Variants in NPHP4 observed in about 807,000 individuals in gnomAD.
NPHP4 encodes the protein nephrocystin-4.
NPHP4 carries 151 observed loss-of-function variants against 155.8 expected under a neutral mutation model. The ratio of observed to expected loss-of-function variants is 0.97; its 90% confidence interval spans 0.85 to 1.11. The LOEUF is 1.11. Among genes scored for constraint, NPHP4 ranks in the 50% least tolerant of loss-of-function variants. The probability of loss-of-function intolerance (pLI) is 0.00; values close to 1 mark genes in which losing one functional copy is unlikely to be tolerated. For missense variants in NPHP4, 1,956 were observed against 1,925.7 expected (o/e 1.02, Z -0.29); for synonymous variants, 845 against 816.8 (o/e 1.03, Z -0.59).
chr1:5,963,779 C>A (rs1650826567), intron 5 of NPHP4, among the ~76,000 whole-genome samples: 1 of 151,366 alleles, frequency 6.6e-6, no homozygotes, highest in South Asian at 2.1e-4. Flanking sequence ...CCTCCGCCTC[C>A]CGAGTTCAAG....
rs767096339 is a variant in NPHP4 at position 5,879,658 on chromosome 1, T to A, written c.2611+456A>T. ...CTAGAGCACCAGGGTGTGATCAATGTGGTGGCTCGGTGGGGCCTGTGGGTC... is the reference window on the plus strand; with the variant it reads ...CTAGAGCACCAGGGTGTGATCAATGAGGTGGCTCGGTGGGGCCTGTGGGTC... On this transcript the variant is annotated intron_variant, in intron 19 of 29. Coordinates refer to ENST00000378156, the MANE Select transcript of NPHP4 (RefSeq NM_015102.5). The A allele has an allele frequency of 5.8e-6, 3 of 514,870 alleles. No homozygotes were observed. The East Asian group carries it at 1.6e-4, about 28-fold the overall frequency. The allele number at this position is 514,870 out of a possible 1,614,324, so 31.9% of individuals were successfully genotyped here.
In NPHP4 at chr1:5,875,111, G is replaced by A; in HGVS notation, c.2818-11C>T. The A allele has an allele frequency of 6.3e-7, 1 of 1,584,230 alleles. No individual in the cohort carries two copies. The highest frequency in any genetic ancestry group is 8.6e-7 in the Non-Finnish European group (1 of 1,167,926). On this transcript the variant is annotated splice_polypyrimidine_tract_variant and intron_variant, in intron 20 of 29. Coordinates refer to ENST00000378156, the MANE Select transcript of NPHP4 (RefSeq NM_015102.5). ...GACGCTCTGCTGCGCCTGCAGACAA[G>A]AGGACATGGGTGGACAGGGTCCCAG...
chr1:5,886,719 CT>C, intron 18 of NPHP4: 2 of 152,738 alleles, frequency 1.3e-5, no homozygotes, highest in South Asian at 4.1e-4. Context: ...GTCGAAGCCC[CT>C]GGAACGTCCC....
intron 5 of NPHP4, among the ~76,000 whole-genome samples, chr1:5,964,941 A>ATATATATATATGTATATATATTTTTTTTT: frequency 1.7e-5 from 1 of 59,428 alleles, no homozygotes; most frequent in Non-Finnish European, 2.9e-5. Context: ...ATATATATAT[A>ATATATATATATGTATATATATTTTTTTTT]TTTTTTTTTT....
Position 5,882,324 on chromosome 1 carries a change from G to A in NPHP4, c.2486-2085C>T, listed in dbSNP as rs544987705. 7.0e-6 allele frequency: 1 copy of A among 143,550 alleles called. No individual in the cohort carries two copies. Among genetic ancestry groups the A allele is most frequent in the Non-Finnish European group, 1.6e-5 (1 of 64,338 alleles). The allele number at this position is 143,550 out of a possible 1,614,324, so 8.9% of individuals were successfully genotyped here. ...GCGCTTACCCAGCCATCTCTCAGTG[G>A]CGCGCTTACCCAGCCATCTCTCAGT... is the stretch of plus-strand genomic sequence containing the variant. On this transcript the variant is annotated intron_variant, in intron 18 of 29. Transcript: ENST00000378156. This position sits in a 1 kb window ranked among gnomAD's most constrained non-coding sequence, Gnocchi z 5.1.
intron 11 of NPHP4, among the ~76,000 whole-genome samples, chr1:5,915,997 T>C (rs1378104665): frequency 6.6e-6 from 1 of 152,110 alleles, no homozygotes; most frequent in African/African-American, 2.4e-5. Context: ...GGAATCTAAC[T>C]CCACGTGTCC....
At chr1:5,981,466 GGT>G (rs895068593) in intron 2 of NPHP4, among the ~76,000 whole-genome samples, 14 of 151,918 alleles carry the variant, frequency 9.2e-5, no homozygotes, top group African/African-American at 3.1e-4. Flanking sequence ...CAATGATCAT[GGT>G]AAAATTAAAC....
At chr1:5,915,118 T>TC (rs1280687698) in intron 11 of NPHP4, among the ~76,000 whole-genome samples, 1 of 152,078 alleles carries the variant, frequency 6.6e-6, no homozygotes, top group Admixed American at 6.5e-5. Context: ...GAGAGAGAAG[T>TC]CCTGAGGGAG....
At chr1:5,954,682 A>T (rs1203182974) in intron 6 of NPHP4, among the ~76,000 whole-genome samples, 1 of 152,232 alleles carries the variant, frequency 6.6e-6, no homozygotes, top group Non-Finnish European at 1.5e-5. Context: ...CTCTCTCCAT[A>T]TATAAAAGTC....
In NPHP4 at chr1:5,887,345, T is replaced by G. The variant is rs747951355; in HGVS notation, c.2426A>C (p.Lys809Thr). ...SGDMLGFGRVKPIGVHSVVKG... is the reference protein window; with the variant it reads ...SGDMLGFGRVTPIGVHSVVKG... ...CACCACCGAGTGGACGCCGATGGGC[T>G]TGACGCGGCCAAACCCCAGCATGTC... Residue 809 changes from lysine to threonine, a missense_variant, in exon 18 of 30, where the codon AAG becomes ACG. Physicochemically the swap from Lys to Thr is moderately conservative, Grantham distance 78. Transcript: ENST00000378156. 2 of 1,613,606 alleles carry G rather than the reference T, an allele frequency of 1.2e-6. No homozygotes were observed. Among genetic ancestry groups the G allele is most frequent in the Non-Finnish European group, 1.7e-6 (2 of 1,179,874 alleles).
In NPHP4 at chr1:5,883,363, G is replaced by A. The variant is rs563684598; in HGVS notation, c.2486-3124C>T. ...CACATGACGAGGAGAAAGTGCCACC[G>A]ATGTTCACGCTCCGGGCCACGCTGC... On this transcript the variant is annotated intron_variant, in intron 18 of 29. Coordinates refer to ENST00000378156, the MANE Select transcript of NPHP4 (RefSeq NM_015102.5). 5.9e-5 allele frequency among the ~76,000 whole-genome samples: 9 copies of A among 151,954 alleles called. No individual in the cohort carries two copies. The East Asian group carries it at 9.7e-4, about 16-fold the overall frequency.
intron 1 of NPHP4, among the ~76,000 whole-genome samples, chr1:5,990,828 C>T (rs534833685): frequency 7.4e-4 from 112 of 152,322 alleles, no homozygotes; most frequent in Middle Eastern, 3.4e-3. Flanking sequence ...GATTCGCAGC[C>T]TCCCCACCTG....
intron 2 of NPHP4, among the ~76,000 whole-genome samples, chr1:5,980,275 A>G (rs1036078243): frequency 2.6e-5 from 4 of 152,188 alleles, no homozygotes; most frequent in Non-Finnish European, 5.9e-5. Context: ...AGTAACAGAC[A>G]GGGTCTCAGC....
intron 4 of NPHP4, among the ~76,000 whole-genome samples, 191 bp from the exon 5 acceptor site, chr1:5,967,554 T>A (rs911847552): frequency 6.6e-6 from 1 of 152,218 alleles, no homozygotes; most frequent in East Asian, 1.9e-4. Context: ...TGGCCAAGCA[T>A]GTCTGGCACA....
At chr1:5,935,435 C>A (rs1458388734) in intron 9 of NPHP4, among the ~76,000 whole-genome samples, 1 of 152,256 alleles carries the variant, frequency 6.6e-6, no homozygotes, top group Non-Finnish European at 1.5e-5. Context: ...AAGCATATGA[C>A]TCTAAGCCAC....
intron 18 of NPHP4, among the ~76,000 whole-genome samples, chr1:5,883,752 G>A (rs144277586): frequency 2.3e-3 from 345 of 152,276 alleles, no homozygotes; most frequent in African/African-American, 7.6e-3. Context: ...TCCCTGAATC[G>A]CAGACGAGGC....
At position 5,905,493 on chromosome 1, in the gene NPHP4, A is replaced by G. The variant is rs373984367; in HGVS notation, c.1764-10T>C. ...GGGCTGCCCTGCAGAGCTGAGACAC[A>G]GAGACTCCTCAGGTAGCCTCCCGGG... On this transcript the variant is annotated splice_polypyrimidine_tract_variant and intron_variant, in intron 14 of 29. Coordinates refer to ENST00000378156, the MANE Select transcript of NPHP4 (RefSeq NM_015102.5). This position sits in a 1 kb window ranked among gnomAD's most constrained non-coding sequence, Gnocchi z 4.0. The G allele has an allele frequency of 6.3e-7, 1 of 1,599,922 alleles. No individual in the cohort carries two copies. Among genetic ancestry groups the G allele is most frequent in the African/African-American group, 1.3e-5 (1 of 74,534 alleles).
chr1:5,866,155 C>T, intron 26 of NPHP4: 2 of 577,190 alleles, frequency 3.5e-6, no homozygotes, highest in East Asian at 2.9e-5. Flanking sequence ...GAGCTGCATC[C>T]CAAGTCCCTC....
chr1:5,946,528 T>A (rs1647106850), intron 9 of NPHP4, among the ~76,000 whole-genome samples: 1 of 152,246 alleles, frequency 6.6e-6, no homozygotes, highest in South Asian at 2.1e-4. Context: ...TATGCATTAC[T>A]CCCAGCCAGC....
Sources: gnomAD v4.1 joint callset for allele counts (sites outside exome capture counted in the v4.1 genomes callset) on GRCh38, gnomAD v4.1.1 for gene constraint, Gnocchi (gnomAD v3.1) non-coding constraint, MANE v1.5 for transcripts, NCBI Gene and HGNC (gene_info 2026-07-23, HGNC 2026-07-21) for gene names.